ZZEF1: variants seen among roughly 807,000 people sequenced by gnomAD.
ZZEF1 encodes zinc finger ZZ-type and EF-hand domain-containing protein 1.
In ZZEF1, 157 loss-of-function variants were observed where a neutral mutation model predicts 342.8. The ratio of observed to expected loss-of-function variants is 0.46; its 90% CI spans 0.40 to 0.52. ZZEF1 has a LOEUF of 0.52. ZZEF1 is among the 20% of genes least tolerant of loss of function. ZZEF1 has a pLI of 0.00. For synonymous variants in ZZEF1, 1,505 were observed against 1,429.1 expected (o/e 1.05, Z -1.20); for missense variants, 3,480 against 3,725.6 (o/e 0.93, Z 1.72).
chr17:4,121,402 T>G (rs2058480867), intron 2 of ZZEF1, among the ~76,000 whole-genome samples: 1 of 152,136 alleles, frequency 6.6e-6, no homozygotes, highest in Non-Finnish European at 1.5e-5. Context: ...GACAGGTGGA[T>G]CACTTGAGGT....
At chr17:4,141,260 G>A (rs1414951179) in intron 1 of ZZEF1, among the ~76,000 whole-genome samples, 2 of 152,156 alleles carry the variant, frequency 1.3e-5, no homozygotes, top group African/African-American at 4.8e-5. Context: ...TTTTTCATAA[G>A]AAACACACAA....
At chr17:4,050,158 T>C (rs894511083) in intron 36 of ZZEF1, among the ~76,000 whole-genome samples, 5 of 152,220 alleles carry the variant, frequency 3.3e-5, no homozygotes, top group Non-Finnish European at 7.3e-5. Flanking sequence ...ACTTTTATAC[T>C]AGCCCCACAC....
At chr17:4,059,857 A>G (rs546640818) in intron 30 of ZZEF1, among the ~76,000 whole-genome samples, 1 of 152,198 alleles carries the variant, frequency 6.6e-6, no homozygotes. Flanking sequence ...TGATGACATC[A>G]TCTCTGACAC....
At chr17:4,049,449 G>A (rs1189783936) in intron 37 of ZZEF1, among the ~76,000 whole-genome samples, 1 of 152,136 alleles carries the variant, frequency 6.6e-6, no homozygotes, top group African/African-American at 2.4e-5. Context: ...GGAGGTCAAG[G>A]CTGCAGTGAG....
At chr17:4,043,071 G>A (rs767906833) in intron 38 of ZZEF1, among the ~76,000 whole-genome samples, 11 of 152,158 alleles carry the variant, frequency 7.2e-5, no homozygotes, top group South Asian at 2.1e-4. Flanking sequence ...CTGTTTAAAT[G>A]AAAGACTGTC....
intron 54 of ZZEF1, among the ~76,000 whole-genome samples, chr17:4,007,784 G>A (rs181006824): frequency 5.3e-5 from 8 of 152,198 alleles, no homozygotes; most frequent in African/African-American, 1.7e-4. Context: ...GAGCGTACAC[G>A]TCAAAGCCTA....
chr17:4,089,262 C>G (rs1031923567), intron 12 of ZZEF1, among the ~76,000 whole-genome samples: 51 of 152,152 alleles, frequency 3.4e-4, no homozygotes, highest in African/African-American at 1.2e-3. Flanking sequence ...CTCAAAGCCC[C>G]CAAGTGATAT....
intron 38 of ZZEF1, 110 bp downstream of exon 38, chr17:4,044,114 C>A (rs1597804113): frequency 8.3e-7 from 1 of 1,205,838 alleles, no homozygotes; most frequent in Non-Finnish European, 1.2e-6. Flanking sequence ...AGAAACCACG[C>A]ACCCCTGGCG....
intron 1 of ZZEF1, among the ~76,000 whole-genome samples, chr17:4,128,749 ACTGCGC>A (rs1181853187): frequency 6.7e-6 from 1 of 148,350 alleles, no homozygotes; most frequent in East Asian, 2.0e-4. Flanking sequence ...GGCGTGAGCT[ACTGCGC>A]CTGGCCAAAA....
chr17:4,109,206 C>T (rs913533291), intron 6 of ZZEF1, among the ~76,000 whole-genome samples: 22 of 152,176 alleles, frequency 1.4e-4, no homozygotes, highest in Admixed American at 1.2e-3. Flanking sequence ...ACAACATCTG[C>T]GTCTATAAAA....
intron 1 of ZZEF1, among the ~76,000 whole-genome samples, chr17:4,130,950 C>A (rs2058653802): frequency 6.6e-6 from 1 of 152,132 alleles, no homozygotes; most frequent in Admixed American, 6.5e-5. Flanking sequence ...TCAGCAGTCA[C>A]ATGGAAGCCA....
Position 4,034,260 on chromosome 17 carries a change from G to A in ZZEF1, c.6339C>T (p.His2113=), listed in dbSNP as rs139607519. The part of the protein sequence containing the change: ...GPTVPLIDLE[H]VLPLMFQVVI... ...CAACCTGAAACATGAGTGGAAGGAC[G>A]TGCTCCAGGTCTATCAGGGGAACCG... is the stretch of plus-strand genomic sequence containing the variant. The change falls in exon 40 of 55, where the codon CAC becomes CAT. Residue 2113 remains histidine, a synonymous_variant. Transcript: ENST00000381638. The A allele has an allele frequency of 1.6e-5, 26 of 1,614,104 alleles. No individual in the cohort carries two copies. Among genetic ancestry groups the A allele is most frequent in the African/African-American group, 5.3e-5 (4 of 74,924 alleles).
chr17:4,048,711 A>C (rs1834864798), intron 37 of ZZEF1, among the ~76,000 whole-genome samples: 1 of 151,898 alleles, frequency 6.6e-6, no homozygotes, highest in African/African-American at 2.4e-5. Flanking sequence ...GCTAGGAATG[A>C]CTTTTTTTTG....
At chr17:4,031,952 C>G (rs1240713174) in intron 42 of ZZEF1, among the ~76,000 whole-genome samples, 174 bp downstream of exon 42, 2 of 152,024 alleles carry the variant, frequency 1.3e-5, no homozygotes, top group Non-Finnish European at 2.9e-5. Flanking sequence ...TTGAAATTAT[C>G]CCAATTCAAT....
intron 17 of ZZEF1, 26 bp downstream of exon 17, chr17:4,082,411 A>T: frequency 6.2e-7 from 1 of 1,611,954 alleles, no homozygotes; most frequent in Non-Finnish European, 8.5e-7. Flanking sequence ...GAGTTATCCG[A>T]CAATTAAAAA....
At chr17:4,101,353 A>G (rs2058123662) in intron 9 of ZZEF1, among the ~76,000 whole-genome samples, 1 of 152,100 alleles carries the variant, frequency 6.6e-6, no homozygotes, top group Non-Finnish European at 1.5e-5. Context: ...AGTCCCTTTC[A>G]ATGTCTGATC....
chr17:4,025,826 T>G (rs1466218806), intron 42 of ZZEF1, among the ~76,000 whole-genome samples: 1 of 151,898 alleles, frequency 6.6e-6, no homozygotes, highest in Non-Finnish European at 1.5e-5. Flanking sequence ...GGGCAAAAGG[T>G]AGTATAGGAC....
At chr17:4,096,085 A>G (rs753275357) in intron 10 of ZZEF1, 106 bp from the exon 11 acceptor site, 71 of 1,242,670 alleles carry the variant, frequency 5.7e-5, no homozygotes, top group Middle Eastern at 2.0e-4. Flanking sequence ...AACGAGACCA[A>G]TGAAAAATAT....
chr17:4,090,441 T>C (rs911112826), intron 12 of ZZEF1, among the ~76,000 whole-genome samples: 1 of 152,270 alleles, frequency 6.6e-6, no homozygotes, highest in Non-Finnish European at 1.5e-5. Context: ...TGGCTAAGGA[T>C]GACAACTTAA....
Sources: allele counts gnomAD v4.1 joint callset (sites outside exome capture counted in the v4.1 genomes callset), GRCh38; gene constraint gnomAD v4.1.1; transcripts MANE v1.5; gene names NCBI Gene and HGNC (gene_info 2026-07-23, HGNC 2026-07-21).